Variants in ZC3H3 observed in about 807,000 individuals in gnomAD.
The protein encoded by ZC3H3 is zinc finger CCCH domain-containing protein 3.
In ZC3H3, 36 loss-of-function variants were observed where a neutral mutation model predicts 77.3. The observed-to-expected ratio is 0.47, with a 90% confidence interval of 0.36 to 0.61. ZC3H3 has a LOEUF of 0.61. Ranked by LOEUF, ZC3H3 falls within the 20% of genes least tolerant of loss-of-function variation. The pLI is 0.00. For synonymous variants in ZC3H3, 626 were observed against 555.2 expected (o/e 1.13, Z -1.79); for missense variants, 1,331 against 1,312.2 (o/e 1.01, Z -0.22).
chr8:143,494,538 C>T lies in ZC3H3; in HGVS notation c.1715+13208G>A, dbSNP rs1821292416. Among the ~76,000 whole-genome samples, 1 of 152,162 alleles carries T rather than the reference C, an allele frequency of 6.6e-6. No homozygotes were observed. Among genetic ancestry groups the T allele is most frequent in the African/African-American group, 2.4e-5 (1 of 41,444 alleles). Reference sequence around the variant, plus strand: ...CACACAAGGCCCGGGCAGGTCAGGGCCTCAGAGCACAGCGGCGCCGGCAGA... The same window carrying T: ...CACACAAGGCCCGGGCAGGTCAGGGTCTCAGAGCACAGCGGCGCCGGCAGA... On this transcript the variant is annotated intron_variant, in intron 4 of 11. Coordinates refer to ENST00000262577, the MANE Select transcript of ZC3H3 (RefSeq NM_015117.3). The surrounding 1 kb of genome is among the most constrained non-coding windows in gnomAD (Gnocchi z 5.3).
intron 4 of ZC3H3, among the ~76,000 whole-genome samples, chr8:143,490,069 C>G (rs1489012222): frequency 6.6e-6 from 1 of 152,150 alleles, no homozygotes; most frequent in Non-Finnish European, 1.5e-5. Flanking sequence ...TAAACCACGC[C>G]CAGCAAGCAC....
At chr8:143,440,558 G>A (rs1015110657) in intron 10 of ZC3H3, among the ~76,000 whole-genome samples, 195 bp from the exon 11 acceptor site, 4 of 152,122 alleles carry the variant, frequency 2.6e-5, no homozygotes, top group Non-Finnish European at 4.4e-5. Flanking sequence ...GCTCCACACC[G>A]AGCCTGCCCC....
intron 3 of ZC3H3, among the ~76,000 whole-genome samples, chr8:143,515,297 C>T (rs1446950889): frequency 3.9e-5 from 6 of 152,388 alleles, no homozygotes; most frequent in South Asian, 2.1e-4. Context: ...CCCGCTGCAA[C>T]GCCTCGGCCC....
At chr8:143,441,765 G>A (rs1819748412) in intron 9 of ZC3H3, among the ~76,000 whole-genome samples, 2 of 152,136 alleles carry the variant, frequency 1.3e-5, no homozygotes, top group Non-Finnish European at 2.9e-5. Flanking sequence ...CTGGCCTGTG[G>A]TGCAGGGCGC....
intron 5 of ZC3H3, among the ~76,000 whole-genome samples, chr8:143,471,147 C>T (rs1027727093): frequency 3.3e-5 from 5 of 152,226 alleles, no homozygotes; most frequent in Admixed American, 1.3e-4. Context: ...GACCGGGGCA[C>T]GCAGGCAGCC....
chr8:143,466,305 C>T (rs866450769), intron 8 of ZC3H3, among the ~76,000 whole-genome samples: 2 of 152,180 alleles, frequency 1.3e-5, no homozygotes, highest in African/African-American at 4.8e-5. Flanking sequence ...CCTCTCCAGG[C>T]ACCTGACCCG....
At chr8:143,527,424 C>A (rs990604321) in intron 3 of ZC3H3, among the ~76,000 whole-genome samples, 1 of 152,168 alleles carries the variant, frequency 6.6e-6, no homozygotes, top group Non-Finnish European at 1.5e-5. Context: ...ACCCTGCCTG[C>A]GCAGCCCAGG....
chr8:143,443,200 G>A (rs544277214), intron 9 of ZC3H3, among the ~76,000 whole-genome samples: 5 of 148,362 alleles, frequency 3.4e-5, no homozygotes, highest in African/African-American at 1.0e-4. Flanking sequence ...CAGAAGAATC[G>A]CTTGAACCTG....
chr8:143,513,871 G>A (rs1055279063), intron 3 of ZC3H3, among the ~76,000 whole-genome samples: 1 of 152,220 alleles, frequency 6.6e-6, no homozygotes, highest in East Asian at 1.9e-4. Context: ...GCTGGTGGGG[G>A]TGGACAGGGT....
At chr8:143,516,512 G>A (rs1822048250) in intron 3 of ZC3H3, among the ~76,000 whole-genome samples, 1 of 149,126 alleles carries the variant, frequency 6.7e-6, no homozygotes, top group African/African-American at 2.5e-5. Flanking sequence ...CAGCGCGAAA[G>A]GAAACTTTGC....
At chr8:143,479,492 C>T (rs371523912) in intron 4 of ZC3H3, among the ~76,000 whole-genome samples, 2 of 152,186 alleles carry the variant, frequency 1.3e-5, no homozygotes, top group African/African-American at 2.4e-5. Context: ...CCCATCCGTC[C>T]GGCAGGCCCA....
intron 4 of ZC3H3, among the ~76,000 whole-genome samples, chr8:143,499,984 A>T (rs990803112): frequency 6.6e-6 from 1 of 151,764 alleles, no homozygotes; most frequent in African/African-American, 2.4e-5. Context: ...GCCCCCCACC[A>T]GAGCAGCGGC....
chr8:143,518,285 A>G (rs946413983), intron 3 of ZC3H3, among the ~76,000 whole-genome samples: 14 of 152,034 alleles, frequency 9.2e-5, no homozygotes, highest in African/African-American at 3.1e-4. Context: ...TGACCTTCAC[A>G]TGGCTGGGCC....
At chr8:143,528,742 C>T (rs1822500842) in intron 3 of ZC3H3, among the ~76,000 whole-genome samples, 2 of 152,212 alleles carry the variant, frequency 1.3e-5, no homozygotes, top group African/African-American at 4.8e-5. Context: ...GCCCGCTAAG[C>T]ATGGTGACTG....
chr8:143,507,436 A>G (rs1029620498), intron 4 of ZC3H3, among the ~76,000 whole-genome samples: 2 of 152,266 alleles, frequency 1.3e-5, no homozygotes, highest in Admixed American at 6.5e-5. Context: ...CCGTCTGGGC[A>G]GCAGAAGCTT....
At chr8:143,523,588 G>A (rs1822319298) in intron 3 of ZC3H3, 1 of 963,474 alleles carries the variant, frequency 1.0e-6, no homozygotes. Context: ...CCACAGCTCA[G>A]AATTCCAGGA....
At chr8:143,509,210 A>C (rs897452772) in intron 3 of ZC3H3, among the ~76,000 whole-genome samples, 13 of 152,222 alleles carry the variant, frequency 8.5e-5, no homozygotes, top group Admixed American at 5.2e-4. Flanking sequence ...TCCACATCAG[A>C]GAGTCTGCCG....
chr8:143,482,519 C>T (rs1675688692), intron 4 of ZC3H3, among the ~76,000 whole-genome samples: 1 of 152,180 alleles, frequency 6.6e-6, no homozygotes, highest in African/African-American at 2.4e-5. Flanking sequence ...TGGTCAGTTA[C>T]AGACACTCAG....
intron 3 of ZC3H3, among the ~76,000 whole-genome samples, chr8:143,513,690 C>T (rs1257202856): frequency 6.6e-6 from 1 of 152,206 alleles, no homozygotes; most frequent in Non-Finnish European, 1.5e-5. Flanking sequence ...AGGCAGCGTC[C>T]GCAGAACTGT....
Sources: gnomAD v4.1 joint callset for allele counts (sites outside exome capture counted in the v4.1 genomes callset) on GRCh38, gnomAD v4.1.1 for gene constraint, Gnocchi (gnomAD v3.1) non-coding constraint, MANE v1.5 for transcripts, NCBI Gene and HGNC (gene_info 2026-07-23, HGNC 2026-07-21) for gene names.